Variants in IL1RAPL2 observed in about 807,000 individuals in gnomAD.
IL1RAPL2 encodes the protein X-linked interleukin-1 receptor accessory protein-like 2.
IL1RAPL2 carries 3 observed loss-of-function variants against 44.1 expected under a neutral mutation model. The observed-to-expected ratio is 0.07, with a 90% CI of 0.03 to 0.18. The LOEUF (loss-of-function observed/expected upper bound fraction) is 0.18. Ranked by LOEUF, IL1RAPL2 falls within the 10% of genes least tolerant of loss-of-function variation. IL1RAPL2 has a pLI of 1.00. For missense variants in IL1RAPL2, 391 were observed against 496.4 expected, an observed-to-expected ratio of 0.79 and a Z score of 2.02; for synonymous variants, 181 against 178.8, an observed-to-expected ratio of 1.01 and a Z score of -0.10.
chrX:105,279,947 C>A lies in IL1RAPL2; in HGVS notation c.697+12406C>A, dbSNP rs992511585. On this transcript the variant is annotated intron_variant, in intron 5 of 10. Transcript: ENST00000372582. ...AAACTAATTTAAACTTCATGTGGAA[C>A]CAAAAAAGAGCCTGCATAGCCAAGA... is the stretch of plus-strand genomic sequence containing the variant. Among the ~76,000 whole-genome samples, 3 of 112,069 alleles carry A rather than the reference C, an allele frequency of 2.7e-5. No homozygotes were observed. The Admixed American group carries it at 2.8e-4, about 11-fold the overall frequency.
At chrX:105,083,730 A>T (rs1484642311) in intron 2 of IL1RAPL2, among the ~76,000 whole-genome samples, 2 of 112,041 alleles carry the variant, frequency 1.8e-5, no homozygotes, top group Non-Finnish European at 3.8e-5. Context: ...TTTCATAAGT[A>T]AAGGAGAAAT....
At chrX:105,302,434 C>A (rs2034703936) in intron 5 of IL1RAPL2, among the ~76,000 whole-genome samples, 1 of 111,635 alleles carries the variant, frequency 9.0e-6, no homozygotes, top group Admixed American at 9.5e-5. Context: ...TTACTCAGGG[C>A]CCAAAGACTC....
chrX:105,373,599 G>A (rs1270255537), intron 5 of IL1RAPL2, among the ~76,000 whole-genome samples: 1 of 111,497 alleles, frequency 9.0e-6, no homozygotes, highest in African/African-American at 3.3e-5. Flanking sequence ...GCTCGTTTCT[G>A]TGTCCAGAAT....
intron 2 of IL1RAPL2, among the ~76,000 whole-genome samples, chrX:104,714,780 A>T (rs1931525305): frequency 9.0e-6 from 1 of 111,150 alleles, no homozygotes; most frequent in Non-Finnish European, 1.9e-5. Context: ...GATGACTGAC[A>T]TTTGTTGATT....
At chrX:105,419,805 A>G (rs1224274849) in intron 5 of IL1RAPL2, among the ~76,000 whole-genome samples, 1 of 112,096 alleles carries the variant, frequency 8.9e-6, no homozygotes, top group African/African-American at 3.2e-5. Flanking sequence ...GAAGTCAAGT[A>G]GGAGTTTAAA....
At chrX:104,600,781 T>C (rs1293203028) in intron 1 of IL1RAPL2, among the ~76,000 whole-genome samples, 1 of 111,802 alleles carries the variant, frequency 8.9e-6, no homozygotes, top group East Asian at 2.8e-4. Context: ...TGGTTTTCTG[T>C]TCCTGCATTA....
chrX:105,308,057 C>G (rs1217323502), intron 5 of IL1RAPL2, among the ~76,000 whole-genome samples: 1 of 110,587 alleles, frequency 9.0e-6, no homozygotes, highest in African/African-American at 3.3e-5. Context: ...GTGACTAGGT[C>G]TTCTCAGTGA....
At chrX:105,500,979 G>A (rs776382097) in intron 6 of IL1RAPL2, among the ~76,000 whole-genome samples, 14 of 111,364 alleles carry the variant, frequency 1.3e-4, no homozygotes, top group Non-Finnish European at 2.5e-4. Flanking sequence ...GAATTATCCT[G>A]TCCCAGCATG....
intron 2 of IL1RAPL2, among the ~76,000 whole-genome samples, chrX:105,180,657 G>T (rs1328600182): frequency 8.9e-6 from 1 of 112,230 alleles, no homozygotes; most frequent in African/African-American, 3.2e-5. Context: ...ATCTGCATAT[G>T]TTGAACCATC....
chrX:104,657,162 T>C (rs1188200712), intron 1 of IL1RAPL2, among the ~76,000 whole-genome samples: 1 of 111,495 alleles, frequency 9.0e-6, no homozygotes, highest in Non-Finnish European at 1.9e-5. Flanking sequence ...AATTGGAGCA[T>C]TTAGTCCATT....
At chrX:105,317,989 T>A (rs1405978241) in intron 5 of IL1RAPL2, among the ~76,000 whole-genome samples, 5 of 108,166 alleles carry the variant, frequency 4.6e-5, no homozygotes, top group Non-Finnish European at 9.6e-5. Context: ...TTTTTTTTTT[T>A]AAAGACGAAG....
intron 2 of IL1RAPL2, among the ~76,000 whole-genome samples, chrX:105,071,712 T>C (rs941523247): frequency 9.0e-6 from 1 of 111,569 alleles, no homozygotes; most frequent in Non-Finnish European, 1.9e-5. Context: ...AAAAAATAAA[T>C]TAATATATTT....
At position 105,121,127 on chromosome X, in the gene IL1RAPL2, C is replaced by A. The variant is rs2032921040; in HGVS notation, c.83-74348C>A. Among the ~76,000 whole-genome samples the A allele has an allele frequency of 2.7e-5, 3 of 111,460 alleles. No individual in the cohort carries two copies. The South Asian group carries it at 1.1e-3, about 42-fold the overall frequency. On this transcript the variant is annotated intron_variant, in intron 2 of 10. Coordinates refer to ENST00000372582, the MANE Select transcript of IL1RAPL2 (RefSeq NM_017416.2). ...CTTGAATAAGACATAAATCTAAATTCCACACCTTTCTTTTTTAATGTGGGC... is the reference window on the plus strand; with the variant it reads ...CTTGAATAAGACATAAATCTAAATTACACACCTTTCTTTTTTAATGTGGGC...
chrX:104,687,417 A>G (rs1191170563), intron 2 of IL1RAPL2, among the ~76,000 whole-genome samples: 1 of 111,008 alleles, frequency 9.0e-6, no homozygotes, highest in South Asian at 3.8e-4. Context: ...TCTTGTGGGA[A>G]CTAATAGAGT....
chrX:104,838,356 G>A (rs895167811), intron 2 of IL1RAPL2, among the ~76,000 whole-genome samples: 2 of 111,858 alleles, frequency 1.8e-5, no homozygotes, highest in Non-Finnish European at 3.8e-5. Context: ...TCCTATCCAT[G>A]AGCATGGAAT....
intron 2 of IL1RAPL2, among the ~76,000 whole-genome samples, chrX:104,696,736 A>G (rs925227834): frequency 2.7e-5 from 3 of 111,898 alleles, no homozygotes; most frequent in African/African-American, 6.5e-5. Context: ...AGTTCTATGC[A>G]GTAACTTCAT....
chrX:104,937,145 T>A (rs998006569), intron 2 of IL1RAPL2, among the ~76,000 whole-genome samples: 2 of 112,476 alleles, frequency 1.8e-5, no homozygotes, highest in Admixed American at 9.4e-5. Context: ...TTTGCTCATA[T>A]GTCTTGACTC....
chrX:104,843,866 C>T (rs1222693565), intron 2 of IL1RAPL2, among the ~76,000 whole-genome samples: 1 of 110,825 alleles, frequency 9.0e-6, no homozygotes, highest in East Asian at 2.9e-4. Flanking sequence ...CAAACATACA[C>T]AATTCATAAA....
rs959868556 is a variant in IL1RAPL2, at chrX:105,245,413, A to T, written c.543+11409A>T. Among the ~76,000 whole-genome samples, 3 of 111,532 alleles carry T rather than the reference A, an allele frequency of 2.7e-5. No individual in the cohort carries two copies. The East Asian group carries it at 8.5e-4, about 32-fold the overall frequency. On this transcript the variant is annotated intron_variant, in intron 4 of 10. Transcript: ENST00000372582. ...TGGTACTGGAGGCATGTTCATAAAG[A>T]TGCCTGAGTAAGCCAATCCAGCCTG...
Sources: gnomAD v4.1 joint callset for allele counts (sites outside exome capture counted in the v4.1 genomes callset) on GRCh38, gnomAD v4.1.1 for gene constraint, MANE v1.5 for transcripts, NCBI Gene and HGNC (gene_info 2026-07-23, HGNC 2026-07-21) for gene names.